The following WASF2 variants were observed in gnomAD, a reference collection of about 807,000 sequenced individuals.
WASF2 encodes the protein WASP family member 2.
Under a neutral mutation model 45.0 loss-of-function variants are expected in WASF2, and 14 were observed. The observed-to-expected ratio is 0.31, with a 90% CI of 0.21 to 0.49. The LOEUF (loss-of-function observed/expected upper bound fraction) is 0.49. Ranked by LOEUF, WASF2 falls within the 20% of genes least tolerant of loss-of-function variation. The pLI, the probability that WASF2 is intolerant of heterozygous loss-of-function variation, is 0.99. For missense variants in WASF2, 439 were observed against 636.1 expected, an observed-to-expected ratio of 0.69 and a Z score of 3.33; for synonymous variants, 200 against 236.3, an observed-to-expected ratio of 0.85 and a Z score of 1.41.
intron 1 of WASF2, among the ~76,000 whole-genome samples, chr1:27,486,436 T>C (rs1177883924): frequency 6.6e-6 from 1 of 152,206 alleles, no homozygotes; most frequent in Non-Finnish European, 1.5e-5. Flanking sequence ...AATGAATGTA[T>C]TAATAGAGCT....
intron 8 of WASF2, among the ~76,000 whole-genome samples, chr1:27,408,817 A>C (rs2016714873): frequency 6.7e-6 from 1 of 150,308 alleles, no homozygotes; most frequent in Admixed American, 6.6e-5. Flanking sequence ...TGAGATGATG[A>C]AGGGGGAGGG....
intron 1 of WASF2, among the ~76,000 whole-genome samples, chr1:27,463,602 G>A (rs552110324): frequency 7.9e-6 from 1 of 126,420 alleles, no homozygotes; most frequent in African/African-American, 3.1e-5. Context: ...TAGCCTGGGC[G>A]ACAGAGTGAG....
At chr1:27,428,687 G>C (rs141745863) in intron 2 of WASF2, 74 bp downstream of exon 2, 1 of 1,608,160 alleles carries the variant, frequency 6.2e-7, no homozygotes, top group Non-Finnish European at 8.5e-7. Flanking sequence ...ATAGGAACGC[G>C]GGAGGAGAAG....
chr1:27,477,933 A>T (rs2017791849), intron 1 of WASF2, among the ~76,000 whole-genome samples: 1 of 150,668 alleles, frequency 6.6e-6, no homozygotes, highest in Non-Finnish European at 1.5e-5. Context: ...AAAAAAAATA[A>T]AAATAAATAA....
intron 1 of WASF2, among the ~76,000 whole-genome samples, chr1:27,442,873 T>A (rs2148120303): frequency 6.6e-6 from 1 of 150,832 alleles, no homozygotes; most frequent in East Asian, 2.0e-4. Context: ...TGGTGGCACA[T>A]GCCTGTAAAA....
intron 1 of WASF2, among the ~76,000 whole-genome samples, chr1:27,487,559 T>TTATACAATATATAATATATATTA (rs1557626501): frequency 3.9e-5 from 4 of 102,366 alleles, no homozygotes; most frequent in African/African-American, 1.6e-4. Context: ...TATATATATT[T>TTATACAATATATAATATATATTA]TATACAATAT....
intron 1 of WASF2, among the ~76,000 whole-genome samples, chr1:27,454,193 T>A (rs1381876964): frequency 8.9e-5 from 7 of 78,796 alleles, no homozygotes; most frequent in African/African-American, 3.7e-4. Context: ...ATATATTTTT[T>A]TTTTTTTTTT....
chr1:27,467,893 CAG>C (rs1178360993), intron 1 of WASF2, among the ~76,000 whole-genome samples: 1 of 151,794 alleles, frequency 6.6e-6, no homozygotes, highest in East Asian at 2.0e-4. Context: ...GCCTGGGTGA[CAG>C]AGCAATTTCC....
intron 8 of WASF2, among the ~76,000 whole-genome samples, chr1:27,409,452 A>AAAAAAAAAAAAAAAAAAAAAAAAAG (rs1557594400): frequency 1.4e-5 from 2 of 146,270 alleles, no homozygotes; most frequent in African/African-American, 5.4e-5. Flanking sequence ...AAAAAAAAAA[A>AAAAAAAAAAAAAAAAAAAAAAAAAG]AAAAGAAAAG....
intron 1 of WASF2, among the ~76,000 whole-genome samples, chr1:27,435,565 C>T (rs1204783410): frequency 7.2e-6 from 1 of 138,734 alleles, no homozygotes; most frequent in African/African-American, 2.7e-5. Flanking sequence ...CCAGTCTAGG[C>T]AACGGAGACT....
chr1:27,484,585 A>T (rs1321837049), intron 1 of WASF2, among the ~76,000 whole-genome samples: 2 of 152,038 alleles, frequency 1.3e-5, no homozygotes, highest in Admixed American at 1.3e-4. Context: ...AGGTGGGTGG[A>T]TCATGAGGTC....
intron 1 of WASF2, among the ~76,000 whole-genome samples, chr1:27,485,006 C>G (rs892815682): frequency 4.0e-5 from 6 of 151,670 alleles, no homozygotes; most frequent in Admixed American, 1.3e-4. Flanking sequence ...AAAACTTAGC[C>G]GGGCGTGGTG....
At chr1:27,437,792 T>G (rs1164563225) in intron 1 of WASF2, among the ~76,000 whole-genome samples, 2 of 152,206 alleles carry the variant, frequency 1.3e-5, no homozygotes, top group East Asian at 3.8e-4. Flanking sequence ...TAATAAGGTA[T>G]CAGATTTCTT....
chr1:27,466,373 A>G (rs1474304554), intron 1 of WASF2, among the ~76,000 whole-genome samples: 2 of 152,200 alleles, frequency 1.3e-5, no homozygotes, highest in African/African-American at 4.8e-5. Context: ...TCTGGACATT[A>G]TGAGCCTCCT....
chr1:27,417,560 G>A (rs1189909012), intron 4 of WASF2, among the ~76,000 whole-genome samples: 1 of 152,126 alleles, frequency 6.6e-6, no homozygotes, highest in African/African-American at 2.4e-5. Context: ...AGATATATAT[G>A]GGTGTAAGCA....
intron 1 of WASF2, among the ~76,000 whole-genome samples, chr1:27,467,772 C>T (rs982695527): frequency 6.6e-5 from 10 of 150,936 alleles, no homozygotes; most frequent in African/African-American, 1.9e-4. Flanking sequence ...ACTAGCCAGG[C>T]GTGGTGGCAC....
intron 1 of WASF2, among the ~76,000 whole-genome samples, chr1:27,454,228 T>C (rs2017436874): frequency 6.8e-6 from 1 of 146,628 alleles, no homozygotes; most frequent in African/African-American, 2.5e-5. Context: ...AGGGTCTTAC[T>C]TTGTTGTCCA....
At chr1:27,482,026 CTAAGT>C (rs2017858650) in intron 1 of WASF2, among the ~76,000 whole-genome samples, 1 of 152,182 alleles carries the variant, frequency 6.6e-6, no homozygotes, top group African/African-American at 2.4e-5. Context: ...TGTTTGGTTT[CTAAGT>C]TAAGAAGTGT....
chr1:27,484,885 A>G (rs561088297), intron 1 of WASF2, among the ~76,000 whole-genome samples: 2 of 151,110 alleles, frequency 1.3e-5, no homozygotes, highest in East Asian at 2.0e-4. Flanking sequence ...TGTGGTGGCT[A>G]ATGCCTGTAA....
Sources: allele counts gnomAD v4.1 joint callset (sites outside exome capture counted in the v4.1 genomes callset), GRCh38; gene constraint gnomAD v4.1.1; transcripts MANE v1.5; gene names NCBI Gene and HGNC (gene_info 2026-07-23, HGNC 2026-07-21).